Variants in TMCO4 observed in about 807,000 individuals in gnomAD.
TMCO4 encodes the protein transmembrane and coiled-coil domains 4.
In TMCO4, 58 loss-of-function variants were observed where a neutral mutation model predicts 64.7. The ratio of observed to expected loss-of-function variants is 0.90; its 90% CI spans 0.73 to 1.12. The LOEUF (loss-of-function observed/expected upper bound fraction) is 1.12. Among genes scored for constraint, TMCO4 ranks in the 50% most tolerant of loss-of-function variants. TMCO4 has a pLI of 0.00. For missense variants in TMCO4, 780 were observed against 825.9 expected (o/e 0.94, Z 0.68); for synonymous variants, 325 against 346.1 (o/e 0.94, Z 0.68).
At chr1:19,738,491 C>A (rs2095465533) in intron 12 of TMCO4, 1 of 152,244 alleles carries the variant, frequency 6.6e-6, no homozygotes, top group Non-Finnish European at 1.5e-5. Flanking sequence ...TAAAATAGTA[C>A]ATTTGTTTTC....
At chr1:19,699,835 A>G (rs1460343321) in intron 14 of TMCO4, among the ~76,000 whole-genome samples, 1 of 152,208 alleles carries the variant, frequency 6.6e-6, no homozygotes, top group African/African-American at 2.4e-5. Context: ...CACATGGACA[A>G]TCATGTGCAC....
In TMCO4 at chr1:19,743,512, T is replaced by C. The variant is rs558758459; in HGVS notation, c.877+2020A>G. Among the ~76,000 whole-genome samples the C allele has an allele frequency of 1.3e-5, 2 of 152,322 alleles. No individual in the cohort carries two copies. The highest frequency in any genetic ancestry group is 3.9e-4 in the East Asian group (2 of 5,188). On this transcript the variant is annotated intron_variant, in intron 10 of 15. Transcript: ENST00000294543. The surrounding 1 kb of genome is among the most constrained non-coding windows in gnomAD (Gnocchi z 4.1). ...ACTTTCTCTAGCTTGGTTGTATTTC[T>C]TTTACCCAGCCCTTTCCCTGAGTGT...
intron 6 of TMCO4, among the ~76,000 whole-genome samples, chr1:19,769,000 G>A (rs1300656799): frequency 2.6e-5 from 4 of 152,074 alleles, no homozygotes; most frequent in African/African-American, 9.7e-5. Flanking sequence ...CTGCCACCCC[G>A]GCAGGCACTG....
chr1:19,733,712 G>A (rs1346658203), intron 13 of TMCO4, among the ~76,000 whole-genome samples: 1 of 152,182 alleles, frequency 6.6e-6, no homozygotes, highest in African/African-American at 2.4e-5. Context: ...AGACTGGAAA[G>A]ACAGATGAGC....
At chr1:19,740,428 G>A (rs989688487) in intron 11 of TMCO4, among the ~76,000 whole-genome samples, 5 of 152,182 alleles carry the variant, frequency 3.3e-5, no homozygotes, top group African/African-American at 9.7e-5. Context: ...AGTTGCCCCA[G>A]ACAAGGCTAG....
intron 3 of TMCO4, among the ~76,000 whole-genome samples, chr1:19,786,621 G>A (rs980814661): frequency 6.6e-6 from 1 of 152,224 alleles, no homozygotes; most frequent in Non-Finnish European, 1.5e-5. Flanking sequence ...GGCCAAGTTC[G>A]TCTCACTAAG....
At chr1:19,781,810 C>A (rs1249116175) in intron 3 of TMCO4, among the ~76,000 whole-genome samples, 2 of 152,136 alleles carry the variant, frequency 1.3e-5, no homozygotes, top group African/African-American at 2.4e-5. Flanking sequence ...CCACACCTGG[C>A]TAACTTTTTG....
intron 10 of TMCO4, among the ~76,000 whole-genome samples, chr1:19,745,210 GGATA>G (rs1055941421): frequency 1.7e-4 from 25 of 147,298 alleles, no homozygotes; most frequent in Non-Finnish European, 3.1e-4. Context: ...ATGGATGGAT[GGATA>G]GATAGAAGGG....
intron 2 of TMCO4, among the ~76,000 whole-genome samples, chr1:19,789,022 C>T (rs1435250773): frequency 6.6e-6 from 1 of 150,766 alleles, no homozygotes; most frequent in Non-Finnish European, 1.5e-5. Context: ...TTGCAGTGAG[C>T]CGAGATCGCA....
intron 2 of TMCO4, among the ~76,000 whole-genome samples, chr1:19,797,873 A>AG (rs2044391695): frequency 1.5e-5 from 2 of 135,600 alleles, no homozygotes; most frequent in East Asian, 4.4e-4. Flanking sequence ...AAAAAAAAAA[A>AG]AGAGAGAAGA....
chr1:19,776,134 C>G (rs986224703), intron 4 of TMCO4, among the ~76,000 whole-genome samples: 5 of 152,206 alleles, frequency 3.3e-5, no homozygotes, highest in African/African-American at 1.2e-4. Context: ...TCTCAAACTC[C>G]TAACCTCAAG....
At chr1:19,757,766 G>A (rs2042332836) in intron 6 of TMCO4, among the ~76,000 whole-genome samples, 1 of 152,074 alleles carries the variant, frequency 6.6e-6, no homozygotes. Context: ...TCCAACTGCT[G>A]TACCTACCTG....
rs760317809 is a variant in TMCO4 at position 19,694,440 on chromosome 1, G to A, written c.1494C>T (p.Thr498=). The stretch of plus-strand genomic sequence containing the variant: ...GGAACAGGCCGACACTCACCACAGA[G>A]GTCAGGTCCACGTTCTCCACCCTCC... ...QDRRVENVDL[T]SVVSGHLDYA... is the part of the protein sequence containing the mutation. Residue 498 remains threonine (T), a synonymous_variant, in exon 15 of 16, where the codon ACC becomes ACT. Transcript: ENST00000294543. 3 of 1,613,832 alleles carry A rather than the reference G, an allele frequency of 1.9e-6. No homozygotes were observed. The highest frequency in any genetic ancestry group is 2.5e-6 in the Non-Finnish European group (3 of 1,179,778).
chr1:19,771,421 A>C lies in TMCO4; in HGVS notation c.241T>G (p.Leu81Val). The change falls in exon 5 of 16, where the codon TTG becomes GTG. Residue 81 changes from leucine to valine, a missense_variant. Transcript: ENST00000294543. The part of the protein sequence containing the change: ...VQWLELSEAV[L>V]PTMTAFASGL... ...CTCGCAAAAGCAGTCATGGTTGGCA[A>C]GACAGCTTCAGACAACTCCAGCCAC... The C allele has an allele frequency of 6.2e-7, 1 of 1,614,174 alleles. No homozygotes were observed. Among genetic ancestry groups the C allele is most frequent in the Admixed American group, 1.7e-5 (1 of 60,022 alleles).
At chr1:19,793,336 G>A (rs1272241427) in intron 2 of TMCO4, among the ~76,000 whole-genome samples, 1 of 152,112 alleles carries the variant, frequency 6.6e-6, no homozygotes, top group Non-Finnish European at 1.5e-5. Context: ...AAAAGCATTT[G>A]GCTAAGAAAT....
intron 4 of TMCO4, among the ~76,000 whole-genome samples, chr1:19,773,829 C>T (rs1261525490): frequency 6.6e-6 from 1 of 152,076 alleles, no homozygotes; most frequent in Non-Finnish European, 1.5e-5. Flanking sequence ...TAGCTAGTAT[C>T]GTTATTTTGA....
At position 19,774,400 on chromosome 1, in the gene TMCO4, T is replaced by C. The variant is rs147703560; in HGVS notation, c.180-2918A>G. Among the ~76,000 whole-genome samples, 624 of 152,312 alleles carry C rather than the reference T, an allele frequency of 4.1e-3. 3 individuals carry two copies. The highest frequency in any genetic ancestry group is 0.013 in the African/African-American group (552 of 41,568). On this transcript the variant is annotated intron_variant, in intron 4 of 15. Transcript: ENST00000294543. Reference sequence around the variant, plus strand: ...TGACTTCACCTCTCTGGGCCTTAGTTTCCTTATCTGTAAAACAGTGGAGAT... The same window carrying C: ...TGACTTCACCTCTCTGGGCCTTAGTCTCCTTATCTGTAAAACAGTGGAGAT...
chr1:19,779,591 G>A (rs2043363182), intron 4 of TMCO4, among the ~76,000 whole-genome samples: 1 of 152,154 alleles, frequency 6.6e-6, no homozygotes, highest in Non-Finnish European at 1.5e-5. Flanking sequence ...TTGCTCCCAC[G>A]ACCCCGTTTA....
At chr1:19,693,627 G>C (rs530184151) in intron 15 of TMCO4, among the ~76,000 whole-genome samples, 126 of 152,322 alleles carry the variant, frequency 8.3e-4, no homozygotes, top group Non-Finnish European at 1.3e-3. Flanking sequence ...GGAACCCTTA[G>C]GAGTATGTTT....
Sources: gnomAD v4.1 joint callset for allele counts (sites outside exome capture counted in the v4.1 genomes callset) on GRCh38, gnomAD v4.1.1 for gene constraint, Gnocchi (gnomAD v3.1) non-coding constraint, MANE v1.5 for transcripts, NCBI Gene and HGNC (gene_info 2026-07-23, HGNC 2026-07-21) for gene names.